The following NUP42 variants were observed in gnomAD, a reference collection of about 807,000 sequenced individuals.
The protein encoded by NUP42 is nucleoporin 42, also known as nucleoporin NUP42.
Under a neutral mutation model 35.9 loss-of-function variants are expected in NUP42, and 47 were observed. The observed-to-expected ratio is 1.31, with a 90% confidence interval of 1.04 to 1.67. NUP42 has a LOEUF of 1.67. NUP42 is among the 40% of genes most tolerant of loss of function. NUP42 has a pLI of 0.00. For synonymous variants in NUP42, 173 were observed against 173.3 expected (o/e 1.00, Z 0.01); for missense variants, 514 against 492.2 (o/e 1.04, Z -0.42).
chr7:23,195,765 G>T, intron 3 of NUP42, 74 bp from the exon 4 acceptor site: 1 of 920,078 alleles, frequency 1.1e-6, no homozygotes. Flanking sequence ...ATATTTTCTT[G>T]TTTAGCACCT....
chr7:23,193,979 T>TA (rs2128474266), intron 3 of NUP42, among the ~76,000 whole-genome samples: 1 of 152,352 alleles, frequency 6.6e-6, no homozygotes, highest in East Asian at 1.9e-4. Context: ...GCCCGGGTGC[T>TA]AAGCTTCTCA....
chr7:23,195,684 T>G, intron 3 of NUP42, 155 bp from the exon 4 acceptor site: 1 of 535,222 alleles, frequency 1.9e-6, no homozygotes, highest in South Asian at 2.7e-5. Flanking sequence ...TTACACTTTA[T>G]TAAACATTAA....
intron 6 of NUP42, 26 bp from the exon 7 acceptor site, chr7:23,200,130 ATTTTTGTTGTTT>A (rs1786159139): frequency 7.3e-7 from 1 of 1,363,316 alleles, no homozygotes; most frequent in Non-Finnish European, 9.9e-7. Flanking sequence ...ACCGTAATAG[ATTTTTGTTGTTT>A]TTTTTGTTGT....
At chr7:23,193,170 A>G (rs1785867616) in intron 3 of NUP42, among the ~76,000 whole-genome samples, 1 of 152,108 alleles carries the variant, frequency 6.6e-6, no homozygotes, top group African/African-American at 2.4e-5. Flanking sequence ...GTTACAGCTC[A>G]TAAAGGCAAT....
At chr7:23,182,482 C>T in intron 1 of NUP42, 1 of 1,226,244 alleles carries the variant, frequency 8.2e-7, no homozygotes, top group Non-Finnish European at 1.0e-6. Context: ...ATCGAAACTA[C>T]CTTGTAGGTA....
chr7:23,185,336 C>T, intron 2 of NUP42, 38 bp downstream of exon 2: 1 of 1,401,426 alleles, frequency 7.1e-7, no homozygotes, highest in Non-Finnish European at 1.0e-6. Context: ...TATCCATTTG[C>T]TTATGTTTTT....
Position 23,182,100 on chromosome 7 carries a change from A to T in NUP42, c.15A>T (p.Gln5His). The T allele has an allele frequency of 6.2e-7, 1 of 1,614,088 alleles. No homozygotes were observed. Among genetic ancestry groups the T allele is most frequent in the Non-Finnish European group, 8.5e-7 (1 of 1,180,034 alleles). Reference sequence around the variant, plus strand: ...ACGCCGTCGCAATGGCCATTTGTCAATTCTTCCTTCAAGGCCGGTGCCGCT... The same window carrying T: ...ACGCCGTCGCAATGGCCATTTGTCATTTCTTCCTTCAAGGCCGGTGCCGCT... MAIC[Q>H]FFLQGRCRFG... Residue 5 changes from glutamine to histidine, a missense_variant, in exon 1 of 7, where the codon CAA becomes CAT. Gln to His is a conservative substitution (Grantham distance 24, BLOSUM62 0). Transcript: ENST00000258742.
At chr7:23,195,749 C>T (rs1200430339) in intron 3 of NUP42, 90 bp from the exon 4 acceptor site, 12 of 757,352 alleles carry the variant, frequency 1.6e-5, no homozygotes, top group Non-Finnish European at 2.0e-5. Context: ...TTCTAATCAA[C>T]ATTAGATATT....
intron 4 of NUP42, 42 bp from the exon 5 acceptor site, chr7:23,196,638 C>A: frequency 7.5e-7 from 1 of 1,338,654 alleles, no homozygotes; most frequent in Non-Finnish European, 1.1e-6. Context: ...CTAACTTAAA[C>A]ATACAATATT....
chr7:23,187,378 C>A, intron 3 of NUP42: 1 of 323,166 alleles, frequency 3.1e-6, no homozygotes, highest in African/African-American at 2.2e-5. Context: ...AAATAAAGCC[C>A]AGGAAGAGAC....
chr7:23,188,103 C>A, intron 3 of NUP42: 1 of 1,397,280 alleles, frequency 7.2e-7, no homozygotes, highest in Non-Finnish European at 9.3e-7. Context: ...TGTTCCTGGG[C>A]CTCCGTCCTT....
chr7:23,186,592 C>T (rs532765380), intron 2 of NUP42, among the ~76,000 whole-genome samples: 1 of 152,232 alleles, frequency 6.6e-6, no homozygotes, highest in South Asian at 2.1e-4. Flanking sequence ...TTCTGTATCA[C>T]GTAAGTGGTA....
intron 5 of NUP42, chr7:23,197,217 T>C (rs953378560): frequency 4.6e-6 from 6 of 1,301,318 alleles, no homozygotes; most frequent in Non-Finnish European, 6.1e-6. Context: ...CAAAGATCTA[T>C]GGTCCCGACT....
intron 3 of NUP42, among the ~76,000 whole-genome samples, chr7:23,190,382 T>TA (rs2128473493): frequency 6.6e-6 from 1 of 152,368 alleles, no homozygotes; most frequent in South Asian, 2.1e-4. Flanking sequence ...CTATTCATCT[T>TA]ACTAAATTTT....
intron 3 of NUP42, chr7:23,187,926 A>G (rs1464998298): frequency 7.5e-6 from 4 of 535,116 alleles, no homozygotes; most frequent in Non-Finnish European, 9.6e-6. Flanking sequence ...TTTGCTTTAG[A>G]ATATTCTCTG....
rs1048937419 is a variant in NUP42, at chr7:23,200,888, TAACTC to T, written c.*144_*148del. The T allele has an allele frequency of 3.5e-5, 16 of 460,600 alleles. No homozygotes were observed. Among genetic ancestry groups the T allele is most frequent in the Non-Finnish European group, 4.6e-5 (13 of 284,328 alleles). 28.5% of individuals were successfully genotyped at this position (460,600 alleles called of 1,614,324 possible). A position where few individuals can be genotyped will look rare whatever the true frequency, so the allele number is the denominator to read the frequency against. ...GTGATTTTAAATTTGATTTTTTTCTTAACTCTAAATATTTAAGTAAAAAGTAACAA... is the reference window on the plus strand; with the variant it reads ...GTGATTTTAAATTTGATTTTTTTCTTTAAATATTTAAGTAAAAAGTAACAA... On this transcript the variant is annotated 3_prime_UTR_variant, in exon 7 of 7. Coordinates refer to ENST00000258742, the MANE Select transcript of NUP42 (RefSeq NM_007342.3).
chr7:23,182,351 T>C, intron 1 of NUP42, 145 bp downstream of exon 1: 5 of 1,439,672 alleles, frequency 3.5e-6, no homozygotes, highest in Non-Finnish European at 3.6e-6. Context: ...CTGCACAACG[T>C]TTTTAAACCG....
chr7:23,182,608 T>G (rs1785448033), intron 1 of NUP42: 1 of 716,226 alleles, frequency 1.4e-6, no homozygotes, highest in African/African-American at 1.9e-5. Flanking sequence ...TGAAAAAATC[T>G]AATAAAACCG....
intron 2 of NUP42, among the ~76,000 whole-genome samples, chr7:23,185,785 G>A (rs1158833037): frequency 2.0e-5 from 3 of 152,112 alleles, no homozygotes; most frequent in African/African-American, 7.2e-5. Flanking sequence ...TGTTGCCCAG[G>A]CTAGAGTGCA....
Sources: gnomAD v4.1 joint callset for allele counts (sites outside exome capture counted in the v4.1 genomes callset) on GRCh38, gnomAD v4.1.1 for gene constraint, MANE v1.5 for transcripts, NCBI Gene and HGNC (gene_info 2026-07-23, HGNC 2026-07-21) for gene names.